Variants in HS6ST3 observed in about 807,000 individuals in gnomAD.
HS6ST3 encodes the protein heparan-sulfate 6-O-sulfotransferase 3.
HS6ST3 carries 12 observed loss-of-function variants against 36.7 expected under a neutral mutation model. That is an observed-to-expected ratio of 0.33 (90% CI 0.21 to 0.53). The LOEUF is 0.53. Ranked by LOEUF, HS6ST3 falls within the 20% of genes least tolerant of loss-of-function variation. The pLI is 0.95. For missense variants in HS6ST3, 584 were observed against 640.9 expected (o/e 0.91, Z 0.96); for synonymous variants, 240 against 257.5 (o/e 0.93, Z 0.65).
chr13:96,460,122 G>T (rs1455098184), intron 1 of HS6ST3, among the ~76,000 whole-genome samples: 1 of 152,076 alleles, frequency 6.6e-6, no homozygotes, highest in African/African-American at 2.4e-5. Context: ...CAACACAATA[G>T]GCAAAACCAA....
At chr13:96,254,747 G>T (rs2054628837) in intron 1 of HS6ST3, among the ~76,000 whole-genome samples, 1 of 151,912 alleles carries the variant, frequency 6.6e-6, no homozygotes, top group Admixed American at 6.6e-5. Flanking sequence ...CCAGAGAGAA[G>T]CTCAGAAACA....
rs572960234 is a variant in HS6ST3 at position 96,208,932 on chromosome 13, G to A, written c.707+117363G>A. Among the ~76,000 whole-genome samples the A allele has an allele frequency of 3.3e-5, 5 of 152,248 alleles. No homozygotes were observed. In the South Asian group the frequency reaches 8.3e-4, roughly 25 times the overall value. Reference sequence around the variant, plus strand: ...ATGGAATATTGGGGAAAATTAGCAGGCACCTTTTTTTGGGAAGAGAAATAC... The same window carrying A: ...ATGGAATATTGGGGAAAATTAGCAGACACCTTTTTTTGGGAAGAGAAATAC... On this transcript the variant is annotated intron_variant, in intron 1 of 1. Coordinates refer to ENST00000376705, the MANE Select transcript of HS6ST3 (RefSeq NM_153456.4).
intron 1 of HS6ST3, among the ~76,000 whole-genome samples, chr13:96,195,259 T>A (rs2054306662): frequency 6.6e-6 from 1 of 152,248 alleles, no homozygotes; most frequent in African/African-American, 2.4e-5. Context: ...ACATGTTTTT[T>A]TGCAGACTTC....
intron 1 of HS6ST3, among the ~76,000 whole-genome samples, chr13:96,695,353 A>G (rs1044838783): frequency 2.0e-5 from 3 of 152,210 alleles, no homozygotes; most frequent in Admixed American, 6.5e-5. Context: ...CCATTCTCAC[A>G]TCTTACAGGT....
chr13:96,464,650 A>G (rs1327081433), intron 1 of HS6ST3, among the ~76,000 whole-genome samples: 2 of 152,198 alleles, frequency 1.3e-5, no homozygotes, highest in East Asian at 1.9e-4. Flanking sequence ...CTGATTTTCT[A>G]GAAATCATGA....
intron 1 of HS6ST3, among the ~76,000 whole-genome samples, chr13:96,427,677 C>T (rs2055593992): frequency 6.6e-6 from 1 of 152,056 alleles, no homozygotes; most frequent in Non-Finnish European, 1.5e-5. Flanking sequence ...ATTATAGGAC[C>T]TTTATTAGAA....
intron 1 of HS6ST3, among the ~76,000 whole-genome samples, chr13:96,139,567 A>AAAAT (rs1491242538): frequency 3.6e-5 from 5 of 138,696 alleles, no homozygotes; most frequent in African/African-American, 1.4e-4. Flanking sequence ...AAAAAAAAAA[A>AAAAT]TCCATGTATA....
chr13:96,401,409 C>G (rs368391938), intron 1 of HS6ST3, among the ~76,000 whole-genome samples: 2 of 152,310 alleles, frequency 1.3e-5, no homozygotes, highest in South Asian at 2.1e-4. Context: ...CCTTAGCAGA[C>G]AGATAACTGT....
rs1878304679 is a variant in HS6ST3 at position 96,810,945 on chromosome 13, T to C, written c.708-21545T>C. Among the ~76,000 whole-genome samples the C allele has an allele frequency of 2.0e-5, 3 of 152,316 alleles. No individual in the cohort carries two copies. The South Asian group carries it at 6.2e-4, about 32-fold the overall frequency. ...TAGTCTTAATTATAGGCCTCTGAGC[T>C]GTGAACAATATTCCAAATACTAACA... On this transcript the variant is annotated intron_variant, in intron 1 of 1. Transcript: ENST00000376705.
At chr13:96,167,506 A>T (rs1220705251) in intron 1 of HS6ST3, among the ~76,000 whole-genome samples, 1 of 152,172 alleles carries the variant, frequency 6.6e-6, no homozygotes, top group Non-Finnish European at 1.5e-5. Context: ...CATGCAACTC[A>T]TCTGCTCTAA....
chr13:96,195,476 T>A (rs1214624439), intron 1 of HS6ST3, among the ~76,000 whole-genome samples: 1 of 152,226 alleles, frequency 6.6e-6, no homozygotes, highest in Non-Finnish European at 1.5e-5. Flanking sequence ...TTCACAGCCC[T>A]ACATATCTTC....
intron 1 of HS6ST3, chr13:96,573,953 T>TG (rs1318705348): frequency 7.5e-6 from 4 of 535,808 alleles, no homozygotes; most frequent in Non-Finnish European, 1.5e-5. Flanking sequence ...GTGCTGCTAC[T>TG]GCTTTACCAA....
intron 1 of HS6ST3, among the ~76,000 whole-genome samples, chr13:96,559,270 C>A (rs148367291): frequency 1.6e-4 from 25 of 152,102 alleles, no homozygotes; most frequent in Admixed American, 9.8e-4. Flanking sequence ...ACGCCCCCCC[C>A]ACCACACGTG....
rs574466816 is a variant in HS6ST3 at position 96,641,927 on chromosome 13, AC to A, written c.708-190562del. Among the ~76,000 whole-genome samples, 271 of 151,958 alleles carry A rather than the reference AC, an allele frequency of 1.8e-3. 1 individual carries two copies. Among genetic ancestry groups the A allele is most frequent in the Non-Finnish European group, 3.0e-3 (204 of 67,836 alleles). ...TAGGAGACAAAGGGATTAGCAACAA[AC>A]AAAAAACATTTATAATATCTTTTTT... On this transcript the variant is annotated intron_variant, in intron 1 of 1. Coordinates refer to ENST00000376705, the MANE Select transcript of HS6ST3 (RefSeq NM_153456.4).
intron 1 of HS6ST3, among the ~76,000 whole-genome samples, chr13:96,758,630 A>G (rs1876890441): frequency 1.3e-5 from 2 of 151,958 alleles, no homozygotes; most frequent in African/African-American, 4.8e-5. Context: ...TTGACTCATG[A>G]ATTATTGAGA....
chr13:96,321,750 G>A (rs750535528), intron 1 of HS6ST3, among the ~76,000 whole-genome samples: 10 of 152,180 alleles, frequency 6.6e-5, no homozygotes, highest in Middle Eastern at 3.4e-3. Context: ...GCCTCAGTCC[G>A]TGGCAGATTC....
chr13:96,722,384 G>T (rs990950948), intron 1 of HS6ST3, among the ~76,000 whole-genome samples: 2 of 152,166 alleles, frequency 1.3e-5, no homozygotes, highest in Non-Finnish European at 2.9e-5. Context: ...TCACAAATTT[G>T]TCAATGCACT....
rs191290206 is a variant in HS6ST3, at chr13:96,725,317, G to A, written c.708-107173G>A. On this transcript the variant is annotated intron_variant, in intron 1 of 1. Coordinates refer to ENST00000376705, the MANE Select transcript of HS6ST3 (RefSeq NM_153456.4). ...GCTAACATTTTTTCCATAATATTTGGCTTGCCATTTAATTCTCTTAGCAGC... is the reference window on the plus strand; with the variant it reads ...GCTAACATTTTTTCCATAATATTTGACTTGCCATTTAATTCTCTTAGCAGC... Among the ~76,000 whole-genome samples the A allele has an allele frequency of 3.8e-3, 577 of 152,034 alleles. 3 individuals carry two copies. Among genetic ancestry groups the A allele is most frequent in the Middle Eastern group, 0.01 (3 of 294 alleles).
intron 1 of HS6ST3, among the ~76,000 whole-genome samples, chr13:96,409,259 T>C (rs534367252): frequency 3.7e-4 from 56 of 152,354 alleles, no homozygotes; most frequent in African/African-American, 1.3e-3. Context: ...AGTAGCATGC[T>C]ACTCCATGCT....
Sources: gnomAD v4.1 joint callset for allele counts (sites outside exome capture counted in the v4.1 genomes callset) on GRCh38, gnomAD v4.1.1 for gene constraint, MANE v1.5 for transcripts, NCBI Gene and HGNC (gene_info 2026-07-23, HGNC 2026-07-21) for gene names.